The following USP12 variants were observed in gnomAD, a reference collection of about 807,000 sequenced individuals.
USP12 encodes the protein ubiquitin carboxyl-terminal hydrolase 12.
In USP12, 19 loss-of-function variants were observed where a neutral mutation model predicts 45.5. The ratio of observed to expected loss-of-function variants is 0.42; its 90% CI spans 0.29 to 0.61. The LOEUF is 0.61. Among genes scored for constraint, USP12 ranks in the 20% least tolerant of loss-of-function variants. The pLI, the probability that USP12 is intolerant of heterozygous loss-of-function variation, is 0.22. For synonymous variants in USP12, 149 were observed against 148.8 expected, an observed-to-expected ratio of 1.00 and a Z score of -0.01; for missense variants, 242 against 447.7, an observed-to-expected ratio of 0.54 and a Z score of 4.15.
chr13:27,141,565 C>T (rs1399202289), intron 1 of USP12, among the ~76,000 whole-genome samples: 1 of 152,134 alleles, frequency 6.6e-6, no homozygotes, highest in African/African-American at 2.4e-5. Flanking sequence ...CAAACAAACA[C>T]AGGAGCCAGC....
At chr13:27,073,995 T>C (rs1308733070) in intron 7 of USP12, among the ~76,000 whole-genome samples, 1 of 152,142 alleles carries the variant, frequency 6.6e-6, no homozygotes, top group African/African-American at 2.4e-5. Context: ...AATTTAGAAG[T>C]AGAAGAAAGA....
intron 2 of USP12, among the ~76,000 whole-genome samples, chr13:27,114,861 G>A (rs546740287): frequency 7.4e-4 from 112 of 152,180 alleles, no homozygotes; most frequent in African/African-American, 2.6e-3. Flanking sequence ...GGTGGTGTGT[G>A]CCTGTGGTCC....
chr13:27,085,212 G>A (rs913005368), intron 6 of USP12, among the ~76,000 whole-genome samples: 2 of 148,564 alleles, frequency 1.3e-5, no homozygotes, highest in African/African-American at 2.5e-5. Context: ...TCGCTCTGTT[G>A]CCCAGGCTGG....
chr13:27,069,881 AGGT>A (rs1292023752), intron 8 of USP12, among the ~76,000 whole-genome samples: 1 of 152,134 alleles, frequency 6.6e-6, no homozygotes, highest in Non-Finnish European at 1.5e-5. Context: ...CAGGAGGTGG[AGGT>A]GGTGGTGAGC....
chr13:27,087,515 T>C (rs1481070929), intron 6 of USP12, among the ~76,000 whole-genome samples: 1 of 152,164 alleles, frequency 6.6e-6, no homozygotes, highest in East Asian at 1.9e-4. Flanking sequence ...GAGAAATAAA[T>C]GCAGATGTGA....
intron 1 of USP12, among the ~76,000 whole-genome samples, chr13:27,169,475 T>C (rs1244232932): frequency 6.6e-6 from 1 of 152,190 alleles, no homozygotes. Flanking sequence ...CTTTGAGATA[T>C]TCAGCACTAT....
At chr13:27,153,161 G>C (rs1877660751) in intron 1 of USP12, among the ~76,000 whole-genome samples, 1 of 151,830 alleles carries the variant, frequency 6.6e-6, no homozygotes, top group African/African-American at 2.4e-5. Context: ...GCGAAACCCT[G>C]TCTCTACTAA....
chr13:27,110,344 G>A (rs895857207), intron 2 of USP12, among the ~76,000 whole-genome samples: 1 of 152,174 alleles, frequency 6.6e-6, no homozygotes, highest in East Asian at 1.9e-4. Flanking sequence ...TCATAGGGAA[G>A]ACAGACACTA....
At chr13:27,069,547 C>T (rs539876994) in intron 8 of USP12, among the ~76,000 whole-genome samples, 163 bp from the exon 9 acceptor site, 1 of 152,290 alleles carries the variant, frequency 6.6e-6, no homozygotes, top group East Asian at 1.9e-4. Flanking sequence ...TTATAAATAC[C>T]TATCTTCTAA....
At chr13:27,116,786 G>A (rs1875764575) in intron 1 of USP12, among the ~76,000 whole-genome samples, 190 bp from the exon 2 acceptor site, 1 of 152,070 alleles carries the variant, frequency 6.6e-6, no homozygotes, top group African/African-American at 2.4e-5. Context: ...ATGTTCAGAT[G>A]CACACTTATT....
intron 1 of USP12, among the ~76,000 whole-genome samples, chr13:27,157,637 G>A (rs1877901308): frequency 6.6e-6 from 1 of 152,132 alleles, no homozygotes; most frequent in African/African-American, 2.4e-5. Flanking sequence ...AATCATGTAA[G>A]TAATTTTAAT....
intron 1 of USP12, among the ~76,000 whole-genome samples, chr13:27,123,208 A>T (rs1565996459): frequency 6.6e-6 from 1 of 152,154 alleles, no homozygotes; most frequent in Non-Finnish European, 1.5e-5. Context: ...AAAGCTACAG[A>T]CTTGAGTCTG....
rs1873001555 is a variant in USP12 at position 27,066,520 on chromosome 13, AT to A, written c.*2762del. On this transcript the variant is annotated 3_prime_UTR_variant, in exon 9 of 9. Coordinates refer to ENST00000282344, the MANE Select transcript of USP12 (RefSeq NM_182488.4). ...CAAGGAAAGAAAAAACCCTATACTGATGGTTAGAGGCCCCAAGACCCACATA... is the reference window on the plus strand; with the variant it reads ...CAAGGAAAGAAAAAACCCTATACTGAGGTTAGAGGCCCCAAGACCCACATA... The A allele has an allele frequency of 6.6e-6, 1 of 152,140 alleles. No homozygotes were observed. Among genetic ancestry groups the A allele is most frequent in the Non-Finnish European group, 1.5e-5 (1 of 68,024 alleles). 9.4% of individuals were successfully genotyped at this position (152,140 alleles called of 1,614,324 possible). A position where few individuals can be genotyped will look rare whatever the true frequency, so the allele number is the denominator to read the frequency against.
At chr13:27,131,217 CTT>C (rs1427850204) in intron 1 of USP12, among the ~76,000 whole-genome samples, 5 of 152,196 alleles carry the variant, frequency 3.3e-5, no homozygotes, top group Non-Finnish European at 2.9e-5. Flanking sequence ...GTAAGAGACA[CTT>C]TAGCCATAGC....
intron 1 of USP12, among the ~76,000 whole-genome samples, chr13:27,119,975 T>C (rs140109247): frequency 3.3e-5 from 5 of 152,378 alleles, no homozygotes; most frequent in African/African-American, 1.2e-4. Context: ...CTCCTCTCTC[T>C]AGCCTAACGC....
In USP12 at chr13:27,112,945, A is replaced by G. The variant is rs529885371; in HGVS notation, c.129+3571T>C. Among the ~76,000 whole-genome samples the G allele has an allele frequency of 2.6e-5, 4 of 152,366 alleles. No individual in the cohort carries two copies. The South Asian group carries it at 8.3e-4, about 32-fold the overall frequency. On this transcript the variant is annotated intron_variant, in intron 2 of 8. Coordinates refer to ENST00000282344, the MANE Select transcript of USP12 (RefSeq NM_182488.4). The stretch of plus-strand genomic sequence containing the variant: ...ATGTCAATAGCATTACTTTGTTTAA[A>G]TACTGAGGCTAGGCACAATGGCTCA...
chr13:27,076,259 G>C (rs1873483819), intron 6 of USP12, among the ~76,000 whole-genome samples: 2 of 152,100 alleles, frequency 1.3e-5, no homozygotes. Context: ...ATCCTAGAAA[G>C]GGAGTAAAAT....
chr13:27,099,034 G>GACC (rs1565989016), intron 3 of USP12, among the ~76,000 whole-genome samples: 1 of 152,178 alleles, frequency 6.6e-6, no homozygotes, highest in Non-Finnish European at 1.5e-5. Context: ...AGGAGTTCAA[G>GACC]ACCAGCCTGA....
intron 1 of USP12, among the ~76,000 whole-genome samples, chr13:27,130,732 C>A (rs968418200): frequency 6.6e-6 from 1 of 152,204 alleles, no homozygotes; most frequent in Non-Finnish European, 1.5e-5. Flanking sequence ...ACGCTTACTT[C>A]CCCACGACTA....
Sources: gnomAD v4.1 joint callset for allele counts (sites outside exome capture counted in the v4.1 genomes callset) on GRCh38, gnomAD v4.1.1 for gene constraint, MANE v1.5 for transcripts, NCBI Gene and HGNC (gene_info 2026-07-23, HGNC 2026-07-21) for gene names.